The following TASP1 variants were observed in gnomAD, a reference collection of about 807,000 sequenced individuals.
The protein encoded by TASP1 is taspase 1.
In TASP1, 16 loss-of-function variants were observed where a neutral mutation model predicts 56.6. That is an observed-to-expected ratio of 0.28 (90% CI 0.19 to 0.43). TASP1 has a LOEUF of 0.43. TASP1 is among the 20% of genes least tolerant of loss of function. The pLI, the probability that TASP1 is intolerant of heterozygous loss-of-function variation, is 1.00. For missense variants in TASP1, 393 were observed against 511.6 expected (o/e 0.77, Z 2.24); for synonymous variants, 179 against 184.2 (o/e 0.97, Z 0.23).
the TASP1 span, among the ~76,000 whole-genome samples, chr20:13,365,155 G>A: frequency 3.9e-5 from 6 of 152,136 alleles, no homozygotes; most frequent in African/African-American, 1.2e-4. Context: ...CAACCTACAC[G>A]TGATTTCAAA....
Position 13,390,144 on chromosome 20 carries a change from A to G in TASP1, c.*216T>C, listed in dbSNP as rs3747932. The G allele has an allele frequency of 1.6e-4, 83 of 508,470 alleles. No individual in the cohort carries two copies. In the East Asian group the frequency reaches 2.9e-3, roughly 18 times the overall value. 31.5% of individuals were successfully genotyped at this position (508,470 alleles called of 1,614,324 possible). On this transcript the variant is annotated 3_prime_UTR_variant, in exon 14 of 14. Transcript: ENST00000337743. ...ACTCCACACATACACATATGTGCGC[A>G]CATACGCGCACACACTCACACACAG...
chr20:13,359,071 A>G, the TASP1 span, among the ~76,000 whole-genome samples: 1 of 149,020 alleles, frequency 6.7e-6, no homozygotes, highest in Non-Finnish European at 1.5e-5. Flanking sequence ...CCAATCGCTT[A>G]TTTCCACACC....
At chr20:13,591,305 A>G (rs1456330425) in intron 4 of TASP1, among the ~76,000 whole-genome samples, 1 of 152,190 alleles carries the variant, frequency 6.6e-6, no homozygotes, top group Non-Finnish European at 1.5e-5. Context: ...CATCATAATC[A>G]AAATGCTGAA....
chr20:13,268,288 TCTTCTCTTC>T, the TASP1 span, among the ~76,000 whole-genome samples: 1 of 151,746 alleles, frequency 6.6e-6, no homozygotes, highest in African/African-American at 2.4e-5. Flanking sequence ...TCTCTTTCTT[TCTTCTCTTC>T]CTTCTCTTCT....
chr20:13,521,742 T>C, intron 10 of TASP1, among the ~76,000 whole-genome samples: 1 of 152,098 alleles, frequency 6.6e-6, no homozygotes. Flanking sequence ...GTAACTAATC[T>C]GCACGTTGTG....
Position 13,508,721 on chromosome 20 carries a change from T to C in TASP1, c.874+19712A>G, listed in dbSNP as rs141392618. ...CTCCCAAAGATACACAAATAGCCAA[T>C]AGGTAGTTATATGAAAAGTTGTTCA... is the stretch of plus-strand genomic sequence containing the variant. On this transcript the variant is annotated intron_variant, in intron 10 of 13. Transcript: ENST00000337743. Among the ~76,000 whole-genome samples, 634 of 152,202 alleles carry C rather than the reference T, an allele frequency of 4.2e-3. 2 individuals carry two copies. The highest frequency in any genetic ancestry group is 0.014 in the African/African-American group (562 of 41,526).
At chr20:13,606,886 T>C (rs561739594) in intron 4 of TASP1, among the ~76,000 whole-genome samples, 2 of 151,628 alleles carry the variant, frequency 1.3e-5, no homozygotes, top group African/African-American at 2.4e-5. Context: ...ACATGGCAGG[T>C]AGGTAATCAA....
At chr20:13,519,485 G>A (rs1028978430) in intron 10 of TASP1, among the ~76,000 whole-genome samples, 32 of 152,126 alleles carry the variant, frequency 2.1e-4, no homozygotes, top group African/African-American at 7.7e-4. Context: ...ATCAATAAAT[G>A]TAATCCAGCA....
At chr20:13,626,719 T>C (rs904363051) in intron 2 of TASP1, among the ~76,000 whole-genome samples, 1 of 152,208 alleles carries the variant, frequency 6.6e-6, no homozygotes, top group Non-Finnish European at 1.5e-5. Flanking sequence ...CCTCTCTTCA[T>C]GGTTCTCTAA....
chr20:13,462,676 G>A (rs1338786338), intron 11 of TASP1, among the ~76,000 whole-genome samples: 1 of 151,978 alleles, frequency 6.6e-6, no homozygotes, highest in Non-Finnish European at 1.5e-5. Flanking sequence ...AATCTGAAAT[G>A]GAAATTAATG....
chr20:13,382,888 C>CA, the TASP1 span, among the ~76,000 whole-genome samples: 5 of 152,022 alleles, frequency 3.3e-5, no homozygotes, highest in African/African-American at 1.2e-4. Context: ...AAAAGGAATG[C>CA]AAAATGCTGG....
At chr20:13,568,956 C>A (rs2046623788) in intron 7 of TASP1, among the ~76,000 whole-genome samples, 1 of 152,114 alleles carries the variant, frequency 6.6e-6, no homozygotes, top group Admixed American at 6.5e-5. Context: ...GTTATATTAT[C>A]TACTTAGGAC....
the TASP1 span, among the ~76,000 whole-genome samples, chr20:13,133,562 C>T: frequency 5.9e-5 from 9 of 152,202 alleles, no homozygotes; most frequent in East Asian, 3.9e-4. Context: ...GGCAAAACCC[C>T]GTCTCTACTA....
At chr20:13,482,099 G>T (rs147946763) in intron 11 of TASP1, among the ~76,000 whole-genome samples, 2 of 152,090 alleles carry the variant, frequency 1.3e-5, no homozygotes, top group Non-Finnish European at 2.9e-5. Flanking sequence ...TTTTGTATAT[G>T]GTGAGAGACA....
At chr20:13,178,596 G>A in the TASP1 span, among the ~76,000 whole-genome samples, 2 of 151,850 alleles carry the variant, frequency 1.3e-5, no homozygotes, top group Non-Finnish European at 2.9e-5. Flanking sequence ...GTCATTTGGG[G>A]CAACATAGAG....
chr20:13,368,677 T>C, the TASP1 span: 1 of 152,250 alleles, frequency 6.6e-6, no homozygotes. Context: ...CCAGGGGATA[T>C]GGAAGGGAAC....
At chr20:13,617,788 CAAGA>C (rs1189046865) in intron 4 of TASP1, among the ~76,000 whole-genome samples, 6 of 152,094 alleles carry the variant, frequency 3.9e-5, no homozygotes, top group Non-Finnish European at 7.3e-5. Flanking sequence ...CATCTGCTCA[CAAGA>C]AAACTTGTTA....
At chr20:13,332,894 T>C in the TASP1 span, among the ~76,000 whole-genome samples, 1 of 152,332 alleles carries the variant, frequency 6.6e-6, no homozygotes, top group African/African-American at 2.4e-5. Flanking sequence ...ATTTGTATGT[T>C]GTGGGTATAA....
At chr20:13,186,568 T>C in the TASP1 span, among the ~76,000 whole-genome samples, 2 of 152,146 alleles carry the variant, frequency 1.3e-5, no homozygotes, top group African/African-American at 2.4e-5. Context: ...TGAGATTTAA[T>C]TGAAAGATTA....
Sources: allele counts gnomAD v4.1 joint callset (sites outside exome capture counted in the v4.1 genomes callset), GRCh38; gene constraint gnomAD v4.1.1; transcripts MANE v1.5; gene names NCBI Gene and HGNC (gene_info 2026-07-23, HGNC 2026-07-21).